ITGB3: variants seen among roughly 807,000 people sequenced by gnomAD.
ITGB3 encodes integrin subunit beta 3.
ITGB3 carries 48 observed loss-of-function variants against 85.8 expected under a neutral mutation model. The ratio of observed to expected loss-of-function variants is 0.56; its 90% CI spans 0.44 to 0.71. ITGB3 has a LOEUF of 0.71. Among genes scored for constraint, ITGB3 ranks in the 30% least tolerant of loss-of-function variants. The pLI is 0.00. For synonymous variants in ITGB3, 363 were observed against 395.6 expected (o/e 0.92, Z 0.98); for missense variants, 861 against 1,019.1 (o/e 0.84, Z 2.11).
intron 1 of ITGB3, chr17:47,259,465 A>G (rs576855494): frequency 6.6e-6 from 1 of 152,048 alleles, no homozygotes; most frequent in South Asian, 2.1e-4. Flanking sequence ...TGAAAAGACT[A>G]TTTACTTACC....
Position 47,299,206 on chromosome 17 carries a change from T to G in ITGB3, c.1691-102T>G. ...AATTCCCTGCCAACCTGGAGGATCA[T>G]TATCTGTGTGGTTGGGAGAGCAGGA... is the stretch of plus-strand genomic sequence containing the variant. On this transcript the variant is annotated intron_variant, in intron 10 of 14. Coordinates refer to ENST00000559488, the MANE Select transcript of ITGB3 (RefSeq NM_000212.3). The surrounding 1 kb of genome is among the most constrained non-coding windows in gnomAD (Gnocchi z 5.1). 3 of 1,127,408 alleles carry G rather than the reference T, an allele frequency of 2.7e-6. No homozygotes were observed. Among genetic ancestry groups the G allele is most frequent in the Admixed American group, 1.8e-5 (1 of 55,458 alleles). The allele number at this position is 1,127,408 out of a possible 1,614,324, so 69.8% of individuals were successfully genotyped here.
At chr17:47,303,246 T>C (rs2143139397) in intron 13 of ITGB3, among the ~76,000 whole-genome samples, 1 of 151,788 alleles carries the variant, frequency 6.6e-6, no homozygotes, top group East Asian at 1.9e-4. Context: ...TGAGACTCTG[T>C]CTCAAAAAAA....
At chr17:47,274,553 T>G in intron 2 of ITGB3, 49 bp downstream of exon 2, 3 of 1,533,150 alleles carry the variant, frequency 2.0e-6, no homozygotes, top group Non-Finnish European at 2.7e-6. Flanking sequence ...TAAGCTGCTT[T>G]TGTGCAGAAA....
intron 1 of ITGB3, among the ~76,000 whole-genome samples, chr17:47,260,791 T>G (rs2143032446): frequency 7.4e-6 from 1 of 136,006 alleles, no homozygotes; most frequent in South Asian, 2.5e-4. Context: ...TGACAAAGTT[T>G]ATTCCTTTTT....
chr17:47,299,729 T>C lies in ITGB3; in HGVS notation c.1913+199T>C, dbSNP rs192935950. Among the ~76,000 whole-genome samples, 2 of 152,344 alleles carry C rather than the reference T, an allele frequency of 1.3e-5. No homozygotes were observed. The highest frequency in any genetic ancestry group is 6.5e-5 in the Admixed American group (1 of 15,302). On this transcript the variant is annotated intron_variant, in intron 11 of 14. Coordinates refer to ENST00000559488, the MANE Select transcript of ITGB3 (RefSeq NM_000212.3). This position sits in a 1 kb window ranked among gnomAD's most constrained non-coding sequence, Gnocchi z 5.1. ...AGAGCCAACTGTGAAGGAGCCAAAG[T>C]TGAACGAGCTGGACTTCGATTGAGA...
chr17:47,287,229 A>G lies in ITGB3; in HGVS notation c.937A>G (p.Met313Val). Residue 313 changes from methionine to valine, a missense_variant and splice_region_variant, in exon 6 of 15, where the codon ATG (methionine) becomes GTG (valine). Met to Val is a conservative substitution (Grantham distance 21, BLOSUM62 1). Coordinates refer to ENST00000559488, the MANE Select transcript of ITGB3 (RefSeq NM_000212.3). ...CAATCATTACTCTGCCTCCACTACCATGGTGAGATCTCTGGCACCACCTAT... is the reference window on the plus strand; with the variant it reads ...CAATCATTACTCTGCCTCCACTACCGTGGTGAGATCTCTGGCACCACCTAT... ...SDNHYSASTT[M>V]DYPSLGLMTE... 1 of 1,613,754 alleles carries G rather than the reference A, an allele frequency of 6.2e-7. No individual in the cohort carries two copies.
chr17:47,297,136 TG>T (rs1257732609), intron 10 of ITGB3, among the ~76,000 whole-genome samples: 2 of 152,224 alleles, frequency 1.3e-5, no homozygotes, highest in African/African-American at 4.8e-5. Flanking sequence ...CCATTTTCTC[TG>T]TAAGTTAGAG....
intron 1 of ITGB3, among the ~76,000 whole-genome samples, chr17:47,263,987 A>G (rs1221930130): frequency 6.6e-6 from 1 of 152,090 alleles, no homozygotes; most frequent in East Asian, 1.9e-4. Flanking sequence ...AACTGGGGAA[A>G]CTCAGCTGTT....
At chr17:47,297,151 T>G (rs1343870202) in intron 10 of ITGB3, among the ~76,000 whole-genome samples, 1 of 152,196 alleles carries the variant, frequency 6.6e-6, no homozygotes, top group Non-Finnish European at 1.5e-5. Flanking sequence ...GTTAGAGACA[T>G]CTTCTGGAAA....
intron 1 of ITGB3, chr17:47,259,344 A>C (rs796113104): frequency 7.0e-4 from 2 of 2,842 alleles, no homozygotes; most frequent in Non-Finnish European, 1.5e-3. Context: ...TTTTTTTGGG[A>C]GGGTGGGTGG....
intron 1 of ITGB3, among the ~76,000 whole-genome samples, chr17:47,263,233 C>T (rs560106509): frequency 2.6e-5 from 4 of 152,286 alleles, no homozygotes; most frequent in African/African-American, 9.6e-5. Context: ...TAATTTTAGA[C>T]CACAACCTTA....
intron 3 of ITGB3, 29 bp from the exon 4 acceptor site, chr17:47,284,414 A>G (rs371316862): frequency 2.5e-6 from 4 of 1,613,836 alleles, no homozygotes; most frequent in African/African-American, 2.7e-5. Context: ...GGAGAAGAAG[A>G]TAAAAACTAA....
intron 2 of ITGB3, among the ~76,000 whole-genome samples, chr17:47,279,197 GC>G (rs2065074661): frequency 6.6e-6 from 1 of 152,168 alleles, no homozygotes; most frequent in Non-Finnish European, 1.5e-5. Context: ...CAGGGCGCTG[GC>G]TGGAACCTCC....
At chr17:47,298,150 T>C (rs1003582451) in intron 10 of ITGB3, among the ~76,000 whole-genome samples, 1 of 152,178 alleles carries the variant, frequency 6.6e-6, no homozygotes, top group Non-Finnish European at 1.5e-5. Context: ...TGTTGAATTG[T>C]GGCAAACATT....
intron 2 of ITGB3, 116 bp from the exon 3 acceptor site, chr17:47,283,238 T>G (rs2065089989): frequency 2.1e-6 from 2 of 966,912 alleles, no homozygotes; most frequent in East Asian, 5.1e-5. Flanking sequence ...ACAATTTGTT[T>G]ATGCTCCAAT....
chr17:47,285,703 A>G (rs749963799), intron 4 of ITGB3, among the ~76,000 whole-genome samples: 2 of 152,210 alleles, frequency 1.3e-5, no homozygotes, highest in African/African-American at 2.4e-5. Context: ...GACATCAGCT[A>G]TTAATTAAAC....
At chr17:47,268,245 C>T (rs2065032463) in intron 1 of ITGB3, among the ~76,000 whole-genome samples, 1 of 152,132 alleles carries the variant, frequency 6.6e-6, no homozygotes, top group Non-Finnish European at 1.5e-5. Context: ...CAAACCATAT[C>T]ATTTCACCCC....
rs192380904 is a variant in ITGB3 at position 47,310,721 on chromosome 17, C to T, written c.*517C>T. ...GTAGGAACTGCTGGGCTTGGCAGCC[C>T]GGGTCATCTGTACCTCTGCCTCCTT... is the stretch of plus-strand genomic sequence containing the variant. On this transcript the variant is annotated 3_prime_UTR_variant, in exon 15 of 15. Transcript: ENST00000559488. 4.6e-3 allele frequency: 890 copies of T among 194,964 alleles called. 9 individuals carry two copies. The highest frequency in any genetic ancestry group is 0.019 in the African/African-American group (847 of 43,948). The allele number at this position is 194,964 out of a possible 1,614,324, so 12.1% of individuals were successfully genotyped here.
In ITGB3 at chr17:47,253,960, G is replaced by C; in HGVS notation, c.79+20G>C. 17 of 1,391,340 alleles carry C rather than the reference G, an allele frequency of 1.2e-5. No individual in the cohort carries two copies. Among genetic ancestry groups the C allele is most frequent in the East Asian group, 3.1e-5 (1 of 32,460 alleles). The allele number at this position is 1,391,340 out of a possible 1,614,324, so 86.2% of individuals were successfully genotyped here. A position where few individuals can be genotyped will look rare whatever the true frequency, so the allele number is the denominator to read the frequency against. ...TAGGAGGTGAGTGAGGCTCCGGCTCGGCAGCGTCGCAGCTGCCCCAGGATC... is the reference window on the plus strand; with the variant it reads ...TAGGAGGTGAGTGAGGCTCCGGCTCCGCAGCGTCGCAGCTGCCCCAGGATC... On this transcript the variant is annotated intron_variant, in intron 1 of 14. Transcript: ENST00000559488.
Sources: allele counts gnomAD v4.1 joint callset (sites outside exome capture counted in the v4.1 genomes callset), GRCh38; gene constraint gnomAD v4.1.1; non-coding constraint Gnocchi (gnomAD v3.1); transcripts MANE v1.5; gene names NCBI Gene and HGNC (gene_info 2026-07-23, HGNC 2026-07-21).